Variants in SGCZ observed in about 807,000 individuals in gnomAD.
SGCZ encodes the protein sarcoglycan zeta.
SGCZ carries 40 observed loss-of-function variants against 41.3 expected under a neutral mutation model. That is an observed-to-expected ratio of 0.97 (90% CI 0.75 to 1.26). The LOEUF (loss-of-function observed/expected upper bound fraction) is 1.26, where lower values mean the gene tolerates loss of function less well. SGCZ is among the 50% of genes most tolerant of loss of function. The probability of loss-of-function intolerance (pLI) is 0.00; values close to 1 mark genes in which losing one functional copy is unlikely to be tolerated. For missense variants in SGCZ, 552 were observed against 369.8 expected (o/e 1.49, Z -4.04); for synonymous variants, 206 against 137.5 (o/e 1.50, Z -3.49).
intron 1 of SGCZ, among the ~76,000 whole-genome samples, chr8:14,582,839 C>A (rs1804936951): frequency 6.6e-6 from 1 of 151,430 alleles, no homozygotes; most frequent in African/African-American, 2.4e-5. Flanking sequence ...GACATGAACT[C>A]ATCATTTTTT....
chr8:14,621,950 T>A (rs1301511915), intron 1 of SGCZ, among the ~76,000 whole-genome samples: 1 of 152,062 alleles, frequency 6.6e-6, no homozygotes, highest in East Asian at 1.9e-4. Context: ...GACTTATGGT[T>A]TGGCTCTGTG....
At chr8:14,298,280 C>A (rs975963036) in intron 3 of SGCZ, among the ~76,000 whole-genome samples, 8 of 151,768 alleles carry the variant, frequency 5.3e-5, no homozygotes, top group Non-Finnish European at 1.0e-4. Flanking sequence ...ACTAAAATTT[C>A]CTTTTAGATT....
intron 1 of SGCZ, among the ~76,000 whole-genome samples, chr8:15,050,005 T>G (rs1804456542): frequency 6.6e-6 from 1 of 152,162 alleles, no homozygotes; most frequent in Non-Finnish European, 1.5e-5. Context: ...GGCATATCTT[T>G]ATTAGCAATG....
At chr8:14,883,577 C>A (rs1804673517) in intron 1 of SGCZ, among the ~76,000 whole-genome samples, 1 of 151,910 alleles carries the variant, frequency 6.6e-6, no homozygotes, top group Admixed American at 6.6e-5. Context: ...TGATGTTTCA[C>A]ACTTCATATT....
At chr8:14,698,557 T>A (rs1809037192) in intron 1 of SGCZ, among the ~76,000 whole-genome samples, 1 of 151,984 alleles carries the variant, frequency 6.6e-6, no homozygotes, top group South Asian at 2.1e-4. Flanking sequence ...GACAAAATGC[T>A]TTTCCAGAAA....
chr8:14,470,458 A>C (rs954893107), intron 2 of SGCZ, among the ~76,000 whole-genome samples: 1 of 152,110 alleles, frequency 6.6e-6, no homozygotes, highest in Non-Finnish European at 1.5e-5. Context: ...AATTCTTATA[A>C]ATGTTGCAAA....
chr8:14,207,693 A>G (rs546601202), intron 4 of SGCZ, among the ~76,000 whole-genome samples: 28 of 147,074 alleles, frequency 1.9e-4, no homozygotes, highest in Admixed American at 1.7e-3. Flanking sequence ...TAGATTGCCA[A>G]ATAAAGAATT....
chr8:15,172,143 T>A (rs1375858478), intron 1 of SGCZ, among the ~76,000 whole-genome samples: 2 of 142,776 alleles, frequency 1.4e-5, no homozygotes, highest in Non-Finnish European at 3.0e-5. Flanking sequence ...AAAAAATGCC[T>A]TTTATACTCT....
chr8:14,670,368 T>C (rs529258739), intron 1 of SGCZ, among the ~76,000 whole-genome samples: 1 of 152,276 alleles, frequency 6.6e-6, no homozygotes, highest in South Asian at 2.1e-4. Context: ...TATCTAATAC[T>C]GTCTCTTCTG....
chr8:14,803,086 A>T (rs1415056917), intron 1 of SGCZ, among the ~76,000 whole-genome samples: 1 of 152,164 alleles, frequency 6.6e-6, no homozygotes, highest in Non-Finnish European at 1.5e-5. Context: ...TTTACCACCC[A>T]TGGGGCCTCA....
intron 2 of SGCZ, among the ~76,000 whole-genome samples, chr8:14,526,340 T>A (rs1457031077): frequency 1.3e-5 from 2 of 152,152 alleles, no homozygotes; most frequent in East Asian, 3.9e-4. Flanking sequence ...GATGTGGCAA[T>A]AGTCAGAGTT....
chr8:15,201,376 A>G (rs2117134839), intron 1 of SGCZ, among the ~76,000 whole-genome samples: 1 of 152,314 alleles, frequency 6.6e-6, no homozygotes, highest in Non-Finnish European at 1.5e-5. Flanking sequence ...GATGACTCAT[A>G]GTTTGCTTCC....
chr8:14,801,315 A>G (rs963509200), intron 1 of SGCZ, among the ~76,000 whole-genome samples: 1 of 152,238 alleles, frequency 6.6e-6, no homozygotes, highest in African/African-American at 2.4e-5. Flanking sequence ...TTGAATATGT[A>G]ATCTCATTTG....
chr8:14,189,773 G>A (rs117708445), intron 4 of SGCZ, among the ~76,000 whole-genome samples: 1,961 of 151,932 alleles, frequency 0.013, 39 homozygotes, highest in South Asian at 0.057. Flanking sequence ...TATCACTTTT[G>A]TTTGCTTGGC....
chr8:14,766,948 C>A (rs569496126), intron 1 of SGCZ, among the ~76,000 whole-genome samples: 5 of 152,024 alleles, frequency 3.3e-5, no homozygotes, highest in East Asian at 3.9e-4. Flanking sequence ...TACAGAGAAG[C>A]CTAATAGAAA....
At chr8:14,803,935 C>T (rs28877698) in intron 1 of SGCZ, among the ~76,000 whole-genome samples, 2 of 76,812 alleles carry the variant, frequency 2.6e-5, no homozygotes, top group Admixed American at 2.7e-4. Context: ...ACCCCCGAGC[C>T]GCCTAACTGG....
intron 2 of SGCZ, 25 bp downstream of exon 2, chr8:14,554,707 G>C: frequency 6.3e-7 from 1 of 1,581,460 alleles, no homozygotes; most frequent in Non-Finnish European, 8.6e-7. Context: ...AGAGCAATAA[G>C]ATGTAAAATC....
chr8:14,641,154 A>T (rs562859029), intron 1 of SGCZ, among the ~76,000 whole-genome samples: 2 of 151,740 alleles, frequency 1.3e-5, no homozygotes, highest in East Asian at 3.9e-4. Context: ...TCTTTCCCCA[A>T]ATCATATCAA....
chr8:14,118,270 G>A (rs377664918), intron 5 of SGCZ, among the ~76,000 whole-genome samples: 2 of 151,892 alleles, frequency 1.3e-5, no homozygotes, highest in Non-Finnish European at 2.9e-5. Context: ...TTTAATGATC[G>A]CCATTCTAAC....
Sources: gnomAD v4.1 joint callset for allele counts (sites outside exome capture counted in the v4.1 genomes callset) on GRCh38, gnomAD v4.1.1 for gene constraint, MANE v1.5 for transcripts, NCBI Gene and HGNC (gene_info 2026-07-23, HGNC 2026-07-21) for gene names.